The following SH3BP5 variants were observed in gnomAD, a reference collection of about 807,000 sequenced individuals.
The protein encoded by SH3BP5 is SH3 domain binding protein 5.
A neutral mutation model predicts 43.3 loss-of-function variants in SH3BP5; 22 were observed. The observed-to-expected ratio is 0.51, with a 90% CI of 0.36 to 0.73. The LOEUF is 0.73. Ranked by LOEUF, SH3BP5 falls within the 30% of genes least tolerant of loss-of-function variation. The pLI is 0.00. For synonymous variants in SH3BP5, 255 were observed against 225.8 expected, an observed-to-expected ratio of 1.13 and a Z score of -1.16; for missense variants, 529 against 586.9, an observed-to-expected ratio of 0.90 and a Z score of 1.02.
intron 3 of SH3BP5, among the ~76,000 whole-genome samples, chr3:15,272,629 ACATATTACAAAACAGAGTGCC>A (rs1696844912): frequency 1.1e-5 from 1 of 92,898 alleles, no homozygotes; most frequent in African/African-American, 1.1e-4. Flanking sequence ...TAGGATAAAG[ACATATTACAAAACAGAGTGCC>A]TGTAGGATAA....
chr3:15,308,312 A>G (rs186342511), intron 2 of SH3BP5, among the ~76,000 whole-genome samples: 15 of 152,324 alleles, frequency 9.8e-5, no homozygotes, highest in African/African-American at 1.4e-4. Flanking sequence ...AATTTGTGCA[A>G]TCGCTAACAA....
intron 5 of SH3BP5, chr3:15,260,414 C>T (rs1484329313): frequency 6.4e-6 from 1 of 156,308 alleles, no homozygotes; most frequent in African/African-American, 2.4e-5. Flanking sequence ...CTAGCAGTTC[C>T]CTTGGTTCTG....
At chr3:15,314,768 G>T (rs1698145702) in intron 2 of SH3BP5, among the ~76,000 whole-genome samples, 1 of 152,174 alleles carries the variant, frequency 6.6e-6, no homozygotes, top group Admixed American at 6.5e-5. Flanking sequence ...CTTCAAGTTG[G>T]GGAGAACTTC....
chr3:15,332,111 A>T, intron 1 of SH3BP5, 160 bp downstream of exon 1: 2 of 1,149,876 alleles, frequency 1.7e-6, no homozygotes, highest in Non-Finnish European at 2.4e-6. Context: ...CATTGTGGAG[A>T]CGATGAAACG....
intron 2 of SH3BP5, among the ~76,000 whole-genome samples, chr3:15,330,054 TGA>T (rs941248124): frequency 3.3e-5 from 5 of 151,694 alleles, no homozygotes; most frequent in African/African-American, 1.2e-4. Flanking sequence ...AGGCGGGGGG[TGA>T]GTTATTAGGA....
At chr3:15,316,492 G>A (rs1045133056) in intron 2 of SH3BP5, among the ~76,000 whole-genome samples, 2 of 151,918 alleles carry the variant, frequency 1.3e-5, no homozygotes, top group Non-Finnish European at 2.9e-5. Flanking sequence ...CAAAGTGCTG[G>A]GATTACAGGT....
intron 3 of SH3BP5, among the ~76,000 whole-genome samples, chr3:15,291,036 A>G (rs1244272782): frequency 6.6e-6 from 1 of 152,170 alleles, no homozygotes. Context: ...TCGGAATTCT[A>G]CCGGGAGCTG....
At position 15,298,310 on chromosome 3, in the gene SH3BP5, GGTA is replaced by G. The variant is rs371928849; in HGVS notation, c.330+5790_330+5792del. ...GAAAAAAAATGAGGCACAGAGATTA[GGTA>G]ACCTGCCAAAGGTCCCACAGCTTTT... On this transcript the variant is annotated intron_variant, in intron 3 of 8. Coordinates refer to ENST00000383791, the MANE Select transcript of SH3BP5 (RefSeq NM_004844.5). 3.1e-4 allele frequency among the ~76,000 whole-genome samples: 47 copies of G among 152,252 alleles called. 1 individual carries two copies. The East Asian group carries it at 7.7e-3, about 25-fold the overall frequency.
At chr3:15,306,486 C>T (rs12633146) in intron 2 of SH3BP5, among the ~76,000 whole-genome samples, 87,447 of 151,964 alleles carry the variant, frequency 0.58, 25,718 homozygotes, top group East Asian at 0.83. Flanking sequence ...CCAGCCTGGA[C>T]GACAGACCCT....
rs1391364305 is a variant in SH3BP5 at position 15,259,882 on chromosome 3, C to T, written c.627-79G>A. ...TCAACTCCACAAGATGAACAAGAGG[C>T]ATCAGCTACCACTGGCCAGGTCGTC... On this transcript the variant is annotated intron_variant, in intron 5 of 8. Transcript: ENST00000383791. 4.6e-6 allele frequency: 6 copies of T among 1,299,238 alleles called. No individual in the cohort carries two copies. The East Asian group carries it at 1.2e-4, about 25-fold the overall frequency. The allele number at this position is 1,299,238 out of a possible 1,614,324, so 80.5% of individuals were successfully genotyped here.
chr3:15,296,999 G>A (rs917918141), intron 3 of SH3BP5, among the ~76,000 whole-genome samples: 2 of 151,950 alleles, frequency 1.3e-5, no homozygotes, highest in African/African-American at 4.8e-5. Flanking sequence ...TCCTGGCCAT[G>A]GCAGGCTTTC....
At chr3:15,277,909 T>C (rs958026941) in intron 3 of SH3BP5, among the ~76,000 whole-genome samples, 2 of 152,126 alleles carry the variant, frequency 1.3e-5, no homozygotes, top group Admixed American at 1.3e-4. Context: ...AATGCCCCAC[T>C]TTCTTCTAGA....
intron 3 of SH3BP5, among the ~76,000 whole-genome samples, chr3:15,283,945 C>T (rs1697197030): frequency 6.6e-6 from 1 of 152,262 alleles, no homozygotes; most frequent in East Asian, 1.9e-4. Context: ...ACCCATTTTA[C>T]ACCCAAAGAA....
At chr3:15,275,372 G>A (rs1160337705) in intron 3 of SH3BP5, among the ~76,000 whole-genome samples, 1 of 152,238 alleles carries the variant, frequency 6.6e-6, no homozygotes, top group African/African-American at 2.4e-5. Context: ...CTGGCTATCT[G>A]GTTCTCACCA....
At chr3:15,265,538 A>ACACACACACACACACACACACACACAC (rs1696608667) in intron 4 of SH3BP5, among the ~76,000 whole-genome samples, 1 of 150,822 alleles carries the variant, frequency 6.6e-6, no homozygotes, top group African/African-American at 2.4e-5. Context: ...ACACACACAC[A>ACACACACACACACACACACACACACAC]CACACACACA....
At chr3:15,297,236 T>C (rs553657930) in intron 3 of SH3BP5, among the ~76,000 whole-genome samples, 138 of 152,228 alleles carry the variant, frequency 9.1e-4, no homozygotes, top group African/African-American at 3.1e-3. Context: ...TCCCTCATCA[T>C]TTTCGATCCT....
chr3:15,256,584 A>G, intron 8 of SH3BP5: 1 of 592,616 alleles, frequency 1.7e-6, no homozygotes, highest in Non-Finnish European at 3.0e-6. Flanking sequence ...GCTGAGAAAC[A>G]AACCTCTCTA....
Position 15,332,360 on chromosome 3 carries a change from G to C in SH3BP5, c.49C>G (p.Leu17Val). The C allele has an allele frequency of 6.5e-7, 1 of 1,541,024 alleles. No homozygotes were observed. Residue 17 changes from leucine to valine, a missense_variant, in exon 1 of 9, where the codon CTG becomes GTG. Physicochemically the swap from Leu to Val is conservative, Grantham distance 32 (BLOSUM62 1). Around this residue, in one of 3 missense-constraint regions of SH3BP5, gnomAD observed 75 missense variants for 61.8 expected, o/e 1.21. Transcript: ENST00000383791. Reference sequence around the variant, plus strand: ...TCCTCCTCGTCCCGGGCAGGCGGCAGGATTTCGGCTGGCTCCTCCGAGCGG... The same window carrying C: ...TCCTCCTCGTCCCGGGCAGGCGGCACGATTTCGGCTGGCTCCTCCGAGCGG... ...RSRSEEPAEI[L>V]PPARDEEEEE... is the part of the protein sequence containing the mutation.
At chr3:15,302,279 T>C (rs1697775700) in intron 3 of SH3BP5, among the ~76,000 whole-genome samples, 1 of 152,110 alleles carries the variant, frequency 6.6e-6, no homozygotes, top group Admixed American at 6.5e-5. Context: ...TGGAAAGTGC[T>C]TTTTGGAGAA....
Sources: allele counts gnomAD v4.1 joint callset (sites outside exome capture counted in the v4.1 genomes callset), GRCh38; gene constraint gnomAD v4.1.1; regional missense constraint gnomAD v4.1.1; transcripts MANE v1.5; gene names NCBI Gene and HGNC (gene_info 2026-07-23, HGNC 2026-07-21).